STK3: variants seen among roughly 807,000 people sequenced by gnomAD.
The protein encoded by STK3 is serine/threonine-protein kinase 3.
Under a neutral mutation model 58.0 loss-of-function variants are expected in STK3, and 41 were observed. The ratio of observed to expected loss-of-function variants is 0.71; its 90% CI spans 0.55 to 0.92. The LOEUF (loss-of-function observed/expected upper bound fraction) is 0.92, where lower values mean the gene tolerates loss of function less well. Ranked by LOEUF, STK3 falls within the 40% of genes least tolerant of loss-of-function variation. STK3 has a pLI of 0.00. For missense variants in STK3, 479 were observed against 602.7 expected (o/e 0.79, Z 2.15); for synonymous variants, 170 against 191.0 (o/e 0.89, Z 0.91).
At chr8:98,728,746 T>C (rs1827966629) in intron 4 of STK3, among the ~76,000 whole-genome samples, 1 of 152,112 alleles carries the variant, frequency 6.6e-6, no homozygotes, top group Non-Finnish European at 1.5e-5. Context: ...AAGTCAAACA[T>C]GAATTAATCT....
chr8:98,558,481 A>G (rs1586857372), intron 8 of STK3, among the ~76,000 whole-genome samples: 1 of 152,244 alleles, frequency 6.6e-6, no homozygotes, highest in African/African-American at 2.4e-5. Flanking sequence ...CTTGCATATA[A>G]TAGCATGAAC....
chr8:98,851,541 TG>T (rs906615558), intron 3 of STK3, among the ~76,000 whole-genome samples: 3 of 152,182 alleles, frequency 2.0e-5, no homozygotes, highest in African/African-American at 7.2e-5. Flanking sequence ...ACTGCATTTT[TG>T]TCAAAAACTA....
the STK3 span, among the ~76,000 whole-genome samples, chr8:98,364,033 C>A: frequency 6.6e-6 from 1 of 152,122 alleles, no homozygotes; most frequent in Admixed American, 6.5e-5. Context: ...AGCTGGGAAG[C>A]CCGGAGCTGA....
At chr8:98,600,264 C>T (rs1328285303) in intron 6 of STK3, among the ~76,000 whole-genome samples, 1 of 152,120 alleles carries the variant, frequency 6.6e-6, no homozygotes, top group Non-Finnish European at 1.5e-5. Context: ...AGAACCAGCT[C>T]TAGATGGCAC....
intron 6 of STK3, among the ~76,000 whole-genome samples, chr8:98,650,468 G>C (rs1357274222): frequency 6.6e-6 from 1 of 152,246 alleles, no homozygotes; most frequent in Non-Finnish European, 1.5e-5. Flanking sequence ...CACCTCACTA[G>C]GGAGTGCCAG....
intron 9 of STK3, among the ~76,000 whole-genome samples, chr8:98,538,294 C>T (rs1809952543): frequency 6.6e-6 from 1 of 152,140 alleles, no homozygotes; most frequent in African/African-American, 2.4e-5. Flanking sequence ...ACAGAAGCTA[C>T]TGACATCAGT....
downstream of STK3, among the ~76,000 whole-genome samples, chr8:98,397,554 A>C (rs1817906973): frequency 6.6e-6 from 1 of 152,230 alleles, no homozygotes; most frequent in Admixed American, 6.5e-5. Flanking sequence ...CAAGAAAGAA[A>C]AGGAAATAAA....
intron 10 of STK3, among the ~76,000 whole-genome samples, chr8:98,464,128 AT>A (rs1317232121): frequency 6.6e-6 from 1 of 152,084 alleles, no homozygotes; most frequent in Non-Finnish European, 1.5e-5. Flanking sequence ...TGACTCATCT[AT>A]TTTCCCATCT....
chr8:98,904,637 C>T (rs890697310), intron 1 of STK3: 6 of 619,324 alleles, frequency 9.7e-6, no homozygotes, highest in Admixed American at 9.4e-5. Flanking sequence ...ATAGTGCTCC[C>T]GTTCATACCG....
At chr8:98,720,449 T>A (rs766335175) in intron 4 of STK3, among the ~76,000 whole-genome samples, 4 of 152,138 alleles carry the variant, frequency 2.6e-5, no homozygotes, top group Non-Finnish European at 5.9e-5. Context: ...TATGAATTAG[T>A]CTAATATAAG....
downstream of STK3, among the ~76,000 whole-genome samples, chr8:98,449,664 A>T (rs1819110207): frequency 6.6e-6 from 1 of 152,172 alleles, no homozygotes; most frequent in Non-Finnish European, 1.5e-5. Context: ...AGCATAACAT[A>T]ATGTTATGAT....
Position 98,706,855 on chromosome 8 carries a change from AAC to A in STK3, c.517-223_517-222del, listed in dbSNP as rs528583862. 5.3e-5 allele frequency among the ~76,000 whole-genome samples: 8 copies of A among 152,350 alleles called. 1 individual carries two copies. In the East Asian group the frequency reaches 1.2e-3, roughly 22 times the overall value. Reference sequence around the variant, plus strand: ...TAACTTATCCACACTACCATCATTAAACACAGTCATTAAAGATAGTGCTACAA... The same window carrying A: ...TAACTTATCCACACTACCATCATTAAACAGTCATTAAAGATAGTGCTACAA... On this transcript the variant is annotated intron_variant, in intron 5 of 10. Transcript: ENST00000419617.
intron 4 of STK3, among the ~76,000 whole-genome samples, chr8:98,743,267 G>A (rs565960880): frequency 4.0e-5 from 6 of 148,522 alleles, no homozygotes; most frequent in Admixed American, 2.0e-4. Context: ...AAAAGAGCCC[G>A]CATCGCCAAG....
At chr8:98,891,471 A>T (rs1198146917) in intron 1 of STK3, among the ~76,000 whole-genome samples, 1 of 152,228 alleles carries the variant, frequency 6.6e-6, no homozygotes, top group Non-Finnish European at 1.5e-5. Flanking sequence ...TTCTAGGTAG[A>T]TTCCTTTAGA....
At chr8:98,414,326 A>G in intron 3 of STK3, among the ~76,000 whole-genome samples, 1 of 152,162 alleles carries the variant, frequency 6.6e-6, no homozygotes, top group East Asian at 1.9e-4. Flanking sequence ...AGGGTCTACC[A>G]TTTCCTCTCA....
At chr8:98,509,631 G>A (rs1413376972) in intron 10 of STK3, among the ~76,000 whole-genome samples, 2 of 151,786 alleles carry the variant, frequency 1.3e-5, no homozygotes, top group Admixed American at 6.6e-5. Context: ...TAAGCCTAGA[G>A]TTCATCACAG....
intron 1 of STK3, among the ~76,000 whole-genome samples, chr8:98,893,486 G>GAAAGAAAGAAAGAA (rs776247646): frequency 4.6e-5 from 2 of 43,034 alleles, no homozygotes; most frequent in African/African-American, 2.2e-4. Flanking sequence ...AAGAAAGAAA[G>GAAAGAAAGAAAGAA]AGAAAGAAAG....
chr8:98,727,357 A>G (rs1398167269), intron 4 of STK3, among the ~76,000 whole-genome samples: 1 of 152,214 alleles, frequency 6.6e-6, no homozygotes, highest in Non-Finnish European at 1.5e-5. Flanking sequence ...TATCAGAACA[A>G]AAACATGAAT....
chr8:98,484,613 T>C (rs1822100792), intron 10 of STK3, among the ~76,000 whole-genome samples: 2 of 151,944 alleles, frequency 1.3e-5, no homozygotes, highest in African/African-American at 2.4e-5. Flanking sequence ...ATGCTTTTTC[T>C]TTTTCAAAGT....
Sources: allele counts gnomAD v4.1 joint callset (sites outside exome capture counted in the v4.1 genomes callset), GRCh38; gene constraint gnomAD v4.1.1; transcripts MANE v1.5; gene names NCBI Gene and HGNC (gene_info 2026-07-23, HGNC 2026-07-21).